The following HSF5 variants were observed in gnomAD, a reference collection of about 807,000 sequenced individuals.
HSF5 encodes the protein heat shock transcription factor 5, also known as heat shock factor protein 5.
Under a neutral mutation model 50.8 loss-of-function variants are expected in HSF5, and 5 were observed. The observed-to-expected ratio is 0.10, with a 90% confidence interval of 0.05 to 0.21. The LOEUF is 0.21. HSF5 is among the 10% of genes least tolerant of loss of function. The probability of loss-of-function intolerance (pLI) is 1.00; values close to 1 mark genes in which losing one functional copy is unlikely to be tolerated. For missense variants in HSF5, 564 were observed against 762.6 expected (o/e 0.74, Z 3.07); for synonymous variants, 307 against 307.4 (o/e 1.00, Z 0.02).
At chr17:58,486,150 G>A (rs1307093739) in intron 1 of HSF5, among the ~76,000 whole-genome samples, 1 of 152,096 alleles carries the variant, frequency 6.6e-6, no homozygotes, top group Non-Finnish European at 1.5e-5. Flanking sequence ...GATCACCTGA[G>A]GTCAGGAGTT....
chr17:58,448,667 G>C (rs1005180669), intron 5 of HSF5, among the ~76,000 whole-genome samples: 4 of 152,124 alleles, frequency 2.6e-5, no homozygotes, highest in African/African-American at 9.7e-5. Flanking sequence ...GAGAGATAAA[G>C]ATTTTCCCAA....
intron 1 of HSF5, among the ~76,000 whole-genome samples, chr17:58,482,742 GAAAGAAA>G (rs1256316675): frequency 2.5e-5 from 2 of 78,908 alleles, no homozygotes; most frequent in Admixed American, 1.3e-4. Flanking sequence ...AAAAAGGAAA[GAAAGAAA>G]AAAGAAAAAA....
intron 5 of HSF5, among the ~76,000 whole-genome samples, chr17:58,458,240 A>C (rs1315362971): frequency 3.3e-5 from 5 of 152,254 alleles, no homozygotes; most frequent in Admixed American, 2.6e-4. Flanking sequence ...TGCCTAAAAC[A>C]ATCACTTATT....
chr17:58,432,445 G>C (rs779791270), intron 5 of HSF5, among the ~76,000 whole-genome samples: 12 of 152,202 alleles, frequency 7.9e-5, no homozygotes, highest in Non-Finnish European at 1.6e-4. Flanking sequence ...GCAGAGGACT[G>C]AATGAAATGA....
intron 5 of HSF5, among the ~76,000 whole-genome samples, chr17:58,450,450 T>C (rs1479100928): frequency 6.6e-6 from 1 of 151,668 alleles, no homozygotes; most frequent in Non-Finnish European, 1.5e-5. Flanking sequence ...GCTATACTTA[T>C]ATCAGATAAA....
chr17:58,465,910 T>C (rs963270367), intron 3 of HSF5, among the ~76,000 whole-genome samples: 1 of 152,086 alleles, frequency 6.6e-6, no homozygotes, highest in African/African-American at 2.4e-5. Flanking sequence ...AATTCTAAAA[T>C]CTCAAATACT....
At chr17:58,432,099 A>T (rs1396318776) in intron 5 of HSF5, among the ~76,000 whole-genome samples, 1 of 152,208 alleles carries the variant, frequency 6.6e-6, no homozygotes, top group Non-Finnish European at 1.5e-5. Context: ...ACAATTTTTT[A>T]AAAGACTGCA....
chr17:58,460,505 A>ACG (rs1490754603), intron 4 of HSF5, among the ~76,000 whole-genome samples: 1 of 126,318 alleles, frequency 7.9e-6, no homozygotes, highest in African/African-American at 3.0e-5. Flanking sequence ...ACACACACAC[A>ACG]CACACATACT....
chr17:58,455,821 G>C (rs1274537387), intron 5 of HSF5, among the ~76,000 whole-genome samples: 1 of 151,768 alleles, frequency 6.6e-6, no homozygotes, highest in Admixed American at 6.6e-5. Context: ...TTATAAAAAA[G>C]ACAAAAAATA....
chr17:58,437,987 G>T (rs1184688567), intron 5 of HSF5, among the ~76,000 whole-genome samples: 1 of 151,984 alleles, frequency 6.6e-6, no homozygotes, highest in Non-Finnish European at 1.5e-5. Context: ...AATGCCAATT[G>T]TCCTTTATAG....
At chr17:58,479,222 C>A (rs932924811) in intron 2 of HSF5, among the ~76,000 whole-genome samples, 1 of 151,566 alleles carries the variant, frequency 6.6e-6, no homozygotes. Flanking sequence ...AAGATTAAAC[C>A]ATATTAAATA....
intron 5 of HSF5, among the ~76,000 whole-genome samples, chr17:58,445,667 G>A (rs1974551885): frequency 6.6e-6 from 1 of 152,104 alleles, no homozygotes; most frequent in African/African-American, 2.4e-5. Context: ...TGAGGTACCT[G>A]GAATAGTTAA....
Position 58,488,294 on chromosome 17 carries a change from C to T in HSF5, c.-20G>A. The T allele has an allele frequency of 6.9e-7, 1 of 1,453,982 alleles. No homozygotes were observed. The highest frequency in any genetic ancestry group is 9.0e-7 in the Non-Finnish European group (1 of 1,116,122). The allele number at this position is 1,453,982 out of a possible 1,614,324, so 90.1% of individuals were successfully genotyped here. ...CTCCATCGCCCCGCCGGGCCGGGGCCTCGCCCCCCGAGCCTAGCTCTCCCA... is the reference window on the plus strand; with the variant it reads ...CTCCATCGCCCCGCCGGGCCGGGGCTTCGCCCCCCGAGCCTAGCTCTCCCA... On this transcript the variant is annotated 5_prime_UTR_variant, in exon 1 of 6. Coordinates refer to ENST00000323777, the MANE Select transcript of HSF5 (RefSeq NM_001080439.3). This position sits in a 1 kb window ranked among gnomAD's most constrained non-coding sequence, Gnocchi z 4.1.
At chr17:58,436,682 T>C (rs1239756592) in intron 5 of HSF5, among the ~76,000 whole-genome samples, 4 of 152,128 alleles carry the variant, frequency 2.6e-5, no homozygotes, top group Non-Finnish European at 2.9e-5. Context: ...AGGGAGGTAA[T>C]TGTCTTTGTT....
intron 1 of HSF5, among the ~76,000 whole-genome samples, chr17:58,484,340 C>T (rs796109805): frequency 4.6e-5 from 7 of 152,242 alleles, no homozygotes; most frequent in African/African-American, 1.7e-4. Flanking sequence ...TGCTGACCAA[C>T]TGAAGTATAA....
intron 5 of HSF5, among the ~76,000 whole-genome samples, chr17:58,435,071 T>C (rs1310328667): frequency 1.3e-5 from 2 of 152,224 alleles, no homozygotes; most frequent in Non-Finnish European, 2.9e-5. Flanking sequence ...AGCTTCATTC[T>C]AGCTGCTTCT....
At position 58,462,777 on chromosome 17, in the gene HSF5, C is replaced by A. The variant is rs746692457; in HGVS notation, c.1542+5G>T. The A allele has an allele frequency of 1.3e-5, 20 of 1,579,288 alleles. No homozygotes were observed. The highest frequency in any genetic ancestry group is 1.7e-5 in the Non-Finnish European group (20 of 1,165,120). The stretch of plus-strand genomic sequence containing the variant: ...TTATAAGCATTTTTTTCTTTGCCCC[C>A]TTACCTGGTGTGTGCTGAATGGTGG... On this transcript the variant is annotated splice_donor_5th_base_variant and intron_variant, in intron 4 of 5. Coordinates refer to ENST00000323777, the MANE Select transcript of HSF5 (RefSeq NM_001080439.3).
chr17:58,466,383 T>C (rs1974866976), intron 3 of HSF5, among the ~76,000 whole-genome samples: 1 of 152,230 alleles, frequency 6.6e-6, no homozygotes, highest in South Asian at 2.1e-4. Flanking sequence ...TTATCTGGTA[T>C]TCATTTTACC....
chr17:58,465,033 C>A (rs1974842354), intron 3 of HSF5, among the ~76,000 whole-genome samples: 1 of 149,854 alleles, frequency 6.7e-6, no homozygotes, highest in Non-Finnish European at 1.5e-5. Flanking sequence ...ACTCTTCAAA[C>A]TCCTCAAGGT....
Sources: allele counts gnomAD v4.1 joint callset (sites outside exome capture counted in the v4.1 genomes callset), GRCh38; gene constraint gnomAD v4.1.1; non-coding constraint Gnocchi (gnomAD v3.1); transcripts MANE v1.5; gene names NCBI Gene and HGNC (gene_info 2026-07-23, HGNC 2026-07-21).